Variants in MDN1 observed in about 807,000 individuals in gnomAD.
MDN1 encodes midasin AAA ATPase 1, also known as midasin.
Under a neutral mutation model 669.2 loss-of-function variants are expected in MDN1, and 266 were observed. The ratio of observed to expected loss-of-function variants is 0.40; its 90% confidence interval spans 0.36 to 0.44. The LOEUF (loss-of-function observed/expected upper bound fraction) is 0.44, where lower values mean the gene tolerates loss of function less well. Ranked by LOEUF, MDN1 falls within the 20% of genes least tolerant of loss-of-function variation. MDN1 has a pLI of 1.00. For synonymous variants in MDN1, 2,385 were observed against 2,457.1 expected (o/e 0.97, Z 0.87); for missense variants, 5,940 against 6,754.0 (o/e 0.88, Z 4.22).
intron 58 of MDN1, 126 bp from the exon 59 acceptor site, chr6:89,699,161 C>T (rs2128309390): frequency 7.5e-6 from 6 of 804,616 alleles, no homozygotes; most frequent in Non-Finnish European, 1.1e-5. Flanking sequence ...CAAATTTTTC[C>T]GTTTCTCTGC....
chr6:89,725,988 TTAA>T lies in MDN1; in HGVS notation c.5473-595_5473-593del, dbSNP rs533748409. ...ACACACGTATATATACACACATATA[TTAA>T]TAATCTTTAAACTGAATAAATGCTC... On this transcript the variant is annotated intron_variant, in intron 37 of 101. Transcript: ENST00000369393. 8.3e-3 allele frequency among the ~76,000 whole-genome samples: 1,255 copies of T among 151,662 alleles called. 17 individuals carry two copies. The highest frequency in any genetic ancestry group is 0.036 in the South Asian group (171 of 4,776).
chr6:89,643,923 A>T lies in MDN1; in HGVS notation c.*82T>A. 8.6e-7 allele frequency: 1 copy of T among 1,169,322 alleles called. No homozygotes were observed. The highest frequency in any genetic ancestry group is 1.2e-6 in the Non-Finnish European group (1 of 850,402). The allele number at this position is 1,169,322 out of a possible 1,614,324, so 72.4% of individuals were successfully genotyped here. ...AAAATATTACAATAAAATTTTTTGTAGTTGTCCAAAAGGGAGCACCTGGGT... is the reference window on the plus strand; with the variant it reads ...AAAATATTACAATAAAATTTTTTGTTGTTGTCCAAAAGGGAGCACCTGGGT... On this transcript the variant is annotated 3_prime_UTR_variant, in exon 102 of 102. Transcript: ENST00000369393.
chr6:89,671,573 A>G (rs543684058), intron 82 of MDN1, among the ~76,000 whole-genome samples: 2 of 152,212 alleles, frequency 1.3e-5, no homozygotes, highest in African/African-American at 4.8e-5. Context: ...ACTGCCAGCT[A>G]TCTGGGAGGC....
intron 2 of MDN1, among the ~76,000 whole-genome samples, chr6:89,798,269 T>G (rs535466434): frequency 4.4e-4 from 66 of 151,522 alleles, no homozygotes; most frequent in Non-Finnish European, 7.9e-4. Context: ...ATCCCAGCAC[T>G]TTAAGAGGCC....
chr6:89,685,080 C>T (rs1811915787), intron 70 of MDN1, 95 bp from the exon 71 acceptor site: 1 of 721,800 alleles, frequency 1.4e-6, no homozygotes, highest in South Asian at 1.8e-5. Flanking sequence ...GACCCTTCCT[C>T]ATTACTCTCT....
chr6:89,722,882 G>T, intron 40 of MDN1, 73 bp downstream of exon 40: 181 of 1,257,602 alleles, frequency 1.4e-4, no homozygotes, highest in Middle Eastern at 4.1e-4. Flanking sequence ...TGCAATTAGT[G>T]TATGTCCTTT....
chr6:89,690,904 ATTAAT>A, intron 63 of MDN1, 70 bp from the exon 64 acceptor site: 3 of 1,522,134 alleles, frequency 2.0e-6, no homozygotes, highest in Non-Finnish European at 2.7e-6. Context: ...AAGATTTGCT[ATTAAT>A]TTCTCATGAA....
Position 89,683,952 on chromosome 6 carries a change from A to G in MDN1, c.11830-48T>C, listed in dbSNP as rs959384921. ...GAAATGGCTTTATAAAGCTAGTGTC[A>G]TTCTGTTTCTTTCTAGATTTCTGTT... is the stretch of plus-strand genomic sequence containing the variant. On this transcript the variant is annotated intron_variant, in intron 71 of 101. Coordinates refer to ENST00000369393, the MANE Select transcript of MDN1 (RefSeq NM_014611.3). 9 of 1,382,454 alleles carry G rather than the reference A, an allele frequency of 6.5e-6. No individual in the cohort carries two copies. In the South Asian group the frequency reaches 1.1e-4, roughly 16 times the overall value. The allele number at this position is 1,382,454 out of a possible 1,614,324, so 85.6% of individuals were successfully genotyped here. A position where few individuals can be genotyped will look rare whatever the true frequency, so the allele number is the denominator to read the frequency against.
chr6:89,798,199 A>AG (rs1437143806), intron 2 of MDN1, among the ~76,000 whole-genome samples: 3 of 150,612 alleles, frequency 2.0e-5, no homozygotes, highest in African/African-American at 4.9e-5. Flanking sequence ...AAAAAAAAAA[A>AG]AAAGAAAGAA....
At chr6:89,806,716 C>T (rs973295914) in intron 1 of MDN1, among the ~76,000 whole-genome samples, 15 of 151,432 alleles carry the variant, frequency 9.9e-5, no homozygotes, top group Non-Finnish European at 1.8e-4. Flanking sequence ...AGTGAGACTC[C>T]ACCTCAATAA....
chr6:89,687,119 C>T, intron 68 of MDN1, 96 bp from the exon 69 acceptor site: 4 of 1,539,088 alleles, frequency 2.6e-6, no homozygotes, highest in Admixed American at 1.9e-5. Flanking sequence ...TTTCTCTCCT[C>T]CCAAATGGAG....
chr6:89,793,724 G>C (rs1819406115), intron 5 of MDN1, 38 bp downstream of exon 5: 2 of 1,550,248 alleles, frequency 1.3e-6, no homozygotes, highest in Non-Finnish European at 1.8e-6. Context: ...GTGTTTAGTA[G>C]GGGGAAGGGG....
intron 53 of MDN1, among the ~76,000 whole-genome samples, chr6:89,704,141 G>A (rs1813368145): frequency 6.6e-6 from 1 of 152,200 alleles, no homozygotes; most frequent in African/African-American, 2.4e-5. Flanking sequence ...AGCATTTACG[G>A]AGGTTGACGC....
chr6:89,702,509 G>A (rs918083704), intron 53 of MDN1, among the ~76,000 whole-genome samples: 2 of 152,190 alleles, frequency 1.3e-5, no homozygotes, highest in Non-Finnish European at 2.9e-5. Flanking sequence ...GGATGGTACC[G>A]CACTGCGGTT....
intron 19 of MDN1, among the ~76,000 whole-genome samples, chr6:89,757,972 C>A (rs142635629): frequency 6.1e-4 from 93 of 152,234 alleles, no homozygotes; most frequent in African/African-American, 1.9e-3. Flanking sequence ...CGCTTGAACC[C>A]AGGAGGTGGA....
At chr6:89,721,091 T>C (rs922937188) in intron 40 of MDN1, among the ~76,000 whole-genome samples, 4 of 152,214 alleles carry the variant, frequency 2.6e-5, no homozygotes, top group African/African-American at 7.2e-5. Flanking sequence ...TAAGCCGGCA[T>C]TGTGCCACTG....
intron 1 of MDN1, among the ~76,000 whole-genome samples, chr6:89,814,186 C>T (rs1193215938): frequency 6.6e-6 from 1 of 152,146 alleles, no homozygotes; most frequent in Non-Finnish European, 1.5e-5. Context: ...AACACTAGTT[C>T]AGGCCATGCT....
At chr6:89,808,313 A>G (rs1187790231) in intron 1 of MDN1, among the ~76,000 whole-genome samples, 1 of 152,056 alleles carries the variant, frequency 6.6e-6, no homozygotes, top group Non-Finnish European at 1.5e-5. Flanking sequence ...TTGTTCTAGC[A>G]GGCAGTTAAT....
chr6:89,794,566 C>CAGCT lies in MDN1; in HGVS notation c.554+7_554+10dup, dbSNP rs757657392. 1.9e-6 allele frequency: 3 copies of CAGCT among 1,612,026 alleles called. No individual in the cohort carries two copies. The highest frequency in any genetic ancestry group is 2.5e-6 in the Non-Finnish European group (3 of 1,179,626). On this transcript the variant is annotated intron_variant, in intron 3 of 101. Coordinates refer to ENST00000369393, the MANE Select transcript of MDN1 (RefSeq NM_014611.3). ...ACACTAGAAGTGCAAAAAAGTCTAACAGCTACGCACCAGCGAACCAAGGTG... is the reference window on the plus strand; with the variant it reads ...ACACTAGAAGTGCAAAAAAGTCTAACAGCTAGCTACGCACCAGCGAACCAAGGTG...
Sources: allele counts gnomAD v4.1 joint callset (sites outside exome capture counted in the v4.1 genomes callset), GRCh38; gene constraint gnomAD v4.1.1; transcripts MANE v1.5; gene names NCBI Gene and HGNC (gene_info 2026-07-23, HGNC 2026-07-21).